Variants in CTIF observed in about 807,000 individuals in gnomAD.
The protein encoded by CTIF is CBP80/20-dependent translation initiation factor.
CTIF carries 21 observed loss-of-function variants against 66.0 expected under a neutral mutation model. The observed-to-expected ratio is 0.32, with a 90% confidence interval of 0.23 to 0.46. The LOEUF is 0.46. CTIF is among the 20% of genes least tolerant of loss of function. The pLI, the probability that CTIF is intolerant of heterozygous loss-of-function variation, is 1.00. For synonymous variants in CTIF, 345 were observed against 326.4 expected (o/e 1.06, Z -0.62); for missense variants, 739 against 812.7 (o/e 0.91, Z 1.10).
At chr18:48,569,530 G>C (rs979780785) in intron 1 of CTIF, among the ~76,000 whole-genome samples, 1 of 151,780 alleles carries the variant, frequency 6.6e-6, no homozygotes, top group Non-Finnish European at 1.5e-5. Context: ...TTTATAAAAA[G>C]ATTTCATAAC....
intron 1 of CTIF, among the ~76,000 whole-genome samples, chr18:48,557,119 G>A (rs1393035852): frequency 6.6e-6 from 1 of 152,178 alleles, no homozygotes. Context: ...TGTAAAAGCA[G>A]ATGGGATTGC....
chr18:48,837,709 T>C (rs532941635), intron 10 of CTIF, among the ~76,000 whole-genome samples: 1 of 152,142 alleles, frequency 6.6e-6, no homozygotes, highest in Non-Finnish European at 1.5e-5. Flanking sequence ...CCCACAGCCC[T>C]ACATAGCCCT....
chr18:48,602,816 T>G (rs1246100545), intron 1 of CTIF, among the ~76,000 whole-genome samples: 2 of 151,846 alleles, frequency 1.3e-5, no homozygotes, highest in South Asian at 2.1e-4. Context: ...AACGAATGGA[T>G]GAATGGGTGG....
chr18:48,781,931 G>A (rs959562365), intron 9 of CTIF, among the ~76,000 whole-genome samples: 2 of 152,190 alleles, frequency 1.3e-5, no homozygotes, highest in African/African-American at 4.8e-5. Context: ...AAAATAGTTT[G>A]TAAACTGTAA....
chr18:48,847,386 G>A (rs190889267), intron 10 of CTIF, among the ~76,000 whole-genome samples: 43 of 151,750 alleles, frequency 2.8e-4, no homozygotes, highest in East Asian at 2.1e-3. Context: ...ATATCATTCC[G>A]TAAAGGAGAG....
chr18:48,857,277 C>G (rs2069350405), intron 10 of CTIF, among the ~76,000 whole-genome samples: 1 of 152,254 alleles, frequency 6.6e-6, no homozygotes, highest in Non-Finnish European at 1.5e-5. Context: ...CCAGCGCACT[C>G]ACTGCTGCAG....
At chr18:48,785,922 C>A (rs1435529536) in intron 9 of CTIF, among the ~76,000 whole-genome samples, 1 of 152,158 alleles carries the variant, frequency 6.6e-6, no homozygotes, top group Non-Finnish European at 1.5e-5. Context: ...GAACCACTGC[C>A]CCCACCCATT....
intron 6 of CTIF, among the ~76,000 whole-genome samples, chr18:48,686,225 A>G (rs1057343392): frequency 2.6e-5 from 4 of 152,108 alleles, no homozygotes; most frequent in Admixed American, 6.5e-5. Context: ...GTTTATTTAT[A>G]TATGTTTTGG....
In CTIF at chr18:48,839,812, C is replaced by G. The variant is rs1436435027; in HGVS notation, c.1528-17776C>G. Reference sequence around the variant, plus strand: ...CTTCAGACACCCTGGAGAAGTTGGACTTGTTGTGCTCCAAGGCTTTATGTC... The same window carrying G: ...CTTCAGACACCCTGGAGAAGTTGGAGTTGTTGTGCTCCAAGGCTTTATGTC... On this transcript the variant is annotated intron_variant, in intron 10 of 11. Coordinates refer to ENST00000256413, the MANE Select transcript of CTIF (RefSeq NM_014772.3). Among the ~76,000 whole-genome samples, 3 of 151,908 alleles carry G rather than the reference C, an allele frequency of 2.0e-5. No homozygotes were observed. In the East Asian group the frequency reaches 5.8e-4, roughly 29 times the overall value.
chr18:48,728,511 C>G (rs1238430942), intron 7 of CTIF, among the ~76,000 whole-genome samples: 1 of 152,166 alleles, frequency 6.6e-6, no homozygotes, highest in Non-Finnish European at 1.5e-5. Context: ...AGTTCTGGCT[C>G]AGGGTCTCTC....
intron 3 of CTIF, among the ~76,000 whole-genome samples, chr18:48,658,593 ATG>A (rs561791927): frequency 6.6e-6 from 1 of 151,914 alleles, no homozygotes; most frequent in Non-Finnish European, 1.5e-5. Context: ...CATACCATGC[ATG>A]TGTGTGTATG....
intron 1 of CTIF, among the ~76,000 whole-genome samples, chr18:48,550,023 A>G (rs983759957): frequency 3.3e-5 from 5 of 152,090 alleles, no homozygotes; most frequent in African/African-American, 1.2e-4. Flanking sequence ...AGTTCTGGCA[A>G]CCACCAACCT....
chr18:48,780,635 C>G (rs540946385), intron 9 of CTIF, among the ~76,000 whole-genome samples: 16 of 152,128 alleles, frequency 1.1e-4, no homozygotes, highest in Non-Finnish European at 2.2e-4. Flanking sequence ...AAAGGGGGAT[C>G]CTTTCATGTA....
intron 7 of CTIF, among the ~76,000 whole-genome samples, chr18:48,733,175 C>T (rs2092470724): frequency 6.6e-6 from 1 of 151,970 alleles, no homozygotes; most frequent in South Asian, 2.1e-4. Context: ...ACTCGGACAC[C>T]TCTGTCACTA....
At chr18:48,580,282 C>T (rs2089625744) in intron 1 of CTIF, among the ~76,000 whole-genome samples, 1 of 151,456 alleles carries the variant, frequency 6.6e-6, no homozygotes, top group South Asian at 2.1e-4. Flanking sequence ...GAGTGGGTCC[C>T]CTCAGGAGGG....
chr18:48,552,068 C>T (rs538272602), intron 1 of CTIF, among the ~76,000 whole-genome samples: 1 of 152,332 alleles, frequency 6.6e-6, no homozygotes, highest in South Asian at 2.1e-4. Context: ...TCCCAAAGTG[C>T]TGGGATTACA....
intron 3 of CTIF, among the ~76,000 whole-genome samples, chr18:48,662,829 T>C (rs540152360): frequency 6.6e-6 from 1 of 152,238 alleles, no homozygotes; most frequent in South Asian, 2.1e-4. Flanking sequence ...CTGCATGTTA[T>C]TTTACTTTGT....
At chr18:48,667,082 G>GACACACACACACACACACAC (rs4044188) in intron 5 of CTIF, among the ~76,000 whole-genome samples, 62 of 142,278 alleles carry the variant, frequency 4.4e-4, no homozygotes, top group African/African-American at 1.4e-3. Context: ...CAGGAAAGTA[G>GACACACACACACACACACAC]ACACACACAC....
At chr18:48,750,221 C>T (rs1002384215) in intron 7 of CTIF, among the ~76,000 whole-genome samples, 1 of 152,178 alleles carries the variant, frequency 6.6e-6, no homozygotes, top group African/African-American at 2.4e-5. Flanking sequence ...GTTGGTCTCC[C>T]CATTCTGCAG....
Sources: allele counts gnomAD v4.1 joint callset (sites outside exome capture counted in the v4.1 genomes callset), GRCh38; gene constraint gnomAD v4.1.1; transcripts MANE v1.5; gene names NCBI Gene and HGNC (gene_info 2026-07-23, HGNC 2026-07-21).